The following EXOC4 variants were observed in gnomAD, a reference collection of about 807,000 sequenced individuals.
EXOC4 encodes SEC8-like 1.
In EXOC4, 71 loss-of-function variants were observed where a neutral mutation model predicts 107.2. That is an observed-to-expected ratio of 0.66 (90% CI 0.55 to 0.81). The LOEUF is 0.81. EXOC4 is among the 30% of genes least tolerant of loss of function. The probability of loss-of-function intolerance (pLI) is 0.00; values close to 1 mark genes in which losing one functional copy is unlikely to be tolerated. For missense variants in EXOC4, 1,108 were observed against 1,189.6 expected (o/e 0.93, Z 1.01); for synonymous variants, 456 against 441.2 (o/e 1.03, Z -0.42).
At chr7:133,413,496 G>A (rs903141612) in intron 7 of EXOC4, among the ~76,000 whole-genome samples, 4 of 152,064 alleles carry the variant, frequency 2.6e-5, no homozygotes, top group Admixed American at 6.6e-5. Flanking sequence ...TTTTATTGAC[G>A]ATGTCATAGA....
At chr7:134,008,237 T>C (rs1444069306) in intron 17 of EXOC4, among the ~76,000 whole-genome samples, 3 of 152,214 alleles carry the variant, frequency 2.0e-5, no homozygotes, top group African/African-American at 7.2e-5. Flanking sequence ...TATGTGACTT[T>C]TCACACATAT....
intron 6 of EXOC4, among the ~76,000 whole-genome samples, chr7:133,373,583 A>T (rs1282636201): frequency 2.6e-5 from 4 of 152,176 alleles, no homozygotes; most frequent in Admixed American, 2.6e-4. Context: ...GTATGTTTGG[A>T]TGAGATTGTA....
At chr7:133,655,177 CTTTA>C (rs892315702) in intron 10 of EXOC4, among the ~76,000 whole-genome samples, 5 of 41,454 alleles carry the variant, frequency 1.2e-4, no homozygotes, top group African/African-American at 2.7e-4. Flanking sequence ...ATTTTTTCAA[CTTTA>C]TTTAAAATAA....
chr7:133,348,103 T>C (rs998209571), intron 5 of EXOC4, among the ~76,000 whole-genome samples: 2 of 152,216 alleles, frequency 1.3e-5, no homozygotes, highest in Non-Finnish European at 2.9e-5. Flanking sequence ...TTAAATTATT[T>C]TTGTGCAGGG....
At chr7:133,762,119 G>C (rs1389554560) in intron 10 of EXOC4, among the ~76,000 whole-genome samples, 2 of 152,158 alleles carry the variant, frequency 1.3e-5, no homozygotes, top group Admixed American at 1.3e-4. Context: ...TGATGGTCCT[G>C]AGACCAGAGA....
At chr7:134,095,578 A>C in the EXOC4 span, among the ~76,000 whole-genome samples, 1 of 152,190 alleles carries the variant, frequency 6.6e-6, no homozygotes, top group Non-Finnish European at 1.5e-5. Flanking sequence ...TTATACTATA[A>C]GGCTGCGGTC....
chr7:133,534,366 C>T (rs1456828131), intron 9 of EXOC4, among the ~76,000 whole-genome samples: 3 of 152,110 alleles, frequency 2.0e-5, no homozygotes, highest in African/African-American at 7.2e-5. Flanking sequence ...GTTAAAGAAC[C>T]TTAGCTAATT....
At chr7:133,323,982 T>A (rs1044653883) in intron 5 of EXOC4, among the ~76,000 whole-genome samples, 1 of 152,208 alleles carries the variant, frequency 6.6e-6, no homozygotes, top group African/African-American at 2.4e-5. Flanking sequence ...CTTCTAGATT[T>A]TCTAGTTTAT....
intron 13 of EXOC4, among the ~76,000 whole-genome samples, chr7:133,933,885 G>T: frequency 6.6e-6 from 1 of 152,216 alleles, no homozygotes; most frequent in Non-Finnish European, 1.5e-5. Context: ...TCACTAAAAC[G>T]TGAAGTTGTT....
chr7:133,255,980 T>A (rs1253340942), intron 1 of EXOC4, among the ~76,000 whole-genome samples: 25 of 149,014 alleles, frequency 1.7e-4, no homozygotes, highest in Non-Finnish European at 3.1e-4. Context: ...CATTATTCCT[T>A]TTTTTTTTTT....
At chr7:133,635,973 C>T (rs1802697212) in intron 10 of EXOC4, among the ~76,000 whole-genome samples, 2 of 152,044 alleles carry the variant, frequency 1.3e-5, no homozygotes, top group South Asian at 2.1e-4. Flanking sequence ...GGTATTTAAT[C>T]GTCCTTTTAG....
the EXOC4 span, among the ~76,000 whole-genome samples, chr7:134,089,349 A>G: frequency 6.6e-6 from 1 of 152,158 alleles, no homozygotes; most frequent in Non-Finnish European, 1.5e-5. Flanking sequence ...TTCTTTACAC[A>G]CCTTGCATGT....
rs7780003 is a variant in EXOC4 at position 133,383,818 on chromosome 7, A to G, written c.1182+8816A>G. Among the ~76,000 whole-genome samples, 932 of 152,264 alleles carry G rather than the reference A, an allele frequency of 6.1e-3. 8 individuals are homozygous for G. Among genetic ancestry groups the G allele is most frequent in the African/African-American group, 0.022 (903 of 41,530 alleles). Reference sequence around the variant, plus strand: ...ATAGTTTTTCGTCATTTCTCAGCCTATAAAACTTTTTGATAACCTCTATTT... The same window carrying G: ...ATAGTTTTTCGTCATTTCTCAGCCTGTAAAACTTTTTGATAACCTCTATTT... On this transcript the variant is annotated intron_variant, in intron 7 of 17. Transcript: ENST00000253861.
chr7:133,996,883 A>G (rs1006848676), intron 14 of EXOC4, among the ~76,000 whole-genome samples: 2 of 152,208 alleles, frequency 1.3e-5, no homozygotes, highest in Non-Finnish European at 2.9e-5. Context: ...GACATTCCGC[A>G]TAGAAAAGGG....
chr7:133,502,648 G>C (rs1463306348), intron 9 of EXOC4, among the ~76,000 whole-genome samples: 1 of 152,054 alleles, frequency 6.6e-6, no homozygotes, highest in African/African-American at 2.4e-5. Flanking sequence ...TTGCTAAGTG[G>C]CCTTGTCAAG....
chr7:134,085,651 G>T, the EXOC4 span, among the ~76,000 whole-genome samples: 1 of 152,168 alleles, frequency 6.6e-6, no homozygotes, highest in Non-Finnish European at 1.5e-5. Flanking sequence ...CCCTGGGAAA[G>T]CTCCATTCAC....
chr7:134,075,610 TCTC>T, the EXOC4 span, among the ~76,000 whole-genome samples: 2 of 152,150 alleles, frequency 1.3e-5, no homozygotes, highest in Admixed American at 6.5e-5. Context: ...GATTCAGTCA[TCTC>T]CTACTGGGTC....
chr7:133,476,342 TAGA>T (rs1461886407), intron 8 of EXOC4, among the ~76,000 whole-genome samples: 2 of 152,136 alleles, frequency 1.3e-5, no homozygotes, highest in Non-Finnish European at 2.9e-5. Flanking sequence ...TAGCATGTGG[TAGA>T]AGGAGGATTT....
At chr7:133,601,415 A>G (rs1801805052) in intron 9 of EXOC4, among the ~76,000 whole-genome samples, 1 of 152,112 alleles carries the variant, frequency 6.6e-6, no homozygotes, top group East Asian at 1.9e-4. Flanking sequence ...ATATTTTTCA[A>G]AAATTAAGGA....
Sources: gnomAD v4.1 joint callset for allele counts (sites outside exome capture counted in the v4.1 genomes callset) on GRCh38, gnomAD v4.1.1 for gene constraint, MANE v1.5 for transcripts, NCBI Gene and HGNC (gene_info 2026-07-23, HGNC 2026-07-21) for gene names.